AKAP12: variants seen among roughly 807,000 people sequenced by gnomAD.
AKAP12 encodes A-kinase anchoring protein 12, also known as A-kinase anchor protein 12.
Under a neutral mutation model 79.9 loss-of-function variants are expected in AKAP12, and 32 were observed. The ratio of observed to expected loss-of-function variants is 0.40; its 90% CI spans 0.30 to 0.54. The LOEUF (loss-of-function observed/expected upper bound fraction) is 0.54. Ranked by LOEUF, AKAP12 falls within the 20% of genes least tolerant of loss-of-function variation. AKAP12 has a pLI of 0.48. For synonymous variants in AKAP12, 808 were observed against 857.0 expected (o/e 0.94, Z 1.00); for missense variants, 2,074 against 2,177.0 (o/e 0.95, Z 0.94).
intron 2 of AKAP12, among the ~76,000 whole-genome samples, chr6:151,254,553 G>C (rs1192785930): frequency 6.6e-6 from 1 of 152,092 alleles, no homozygotes; most frequent in Non-Finnish European, 1.5e-5. Context: ...GTTTCGCCAA[G>C]TTGGTCAGAC....
intron 2 of AKAP12, among the ~76,000 whole-genome samples, chr6:151,292,396 T>C (rs1776640634): frequency 6.6e-6 from 1 of 152,202 alleles, no homozygotes. Context: ...TCAAAGGCAG[T>C]ATAGCTACAA....
At chr6:151,319,497 ACTAT>A (rs759242881) in intron 3 of AKAP12, 7 of 142,114 alleles carry the variant, frequency 4.9e-5, no homozygotes, top group Non-Finnish European at 1.1e-4. Context: ...ACTATCTATA[ACTAT>A]CTAGATATAG....
intron 3 of AKAP12, among the ~76,000 whole-genome samples, chr6:151,339,463 GGA>G (rs1246046409): frequency 6.6e-6 from 1 of 152,176 alleles, no homozygotes; most frequent in Non-Finnish European, 1.5e-5. Context: ...AAAATTGAGT[GGA>G]GAGTTCGGAG....
chr6:151,272,478 C>G (rs1234546495), intron 2 of AKAP12, among the ~76,000 whole-genome samples: 3 of 149,800 alleles, frequency 2.0e-5, no homozygotes, highest in Non-Finnish European at 4.4e-5. Flanking sequence ...CTTTGCCTTC[C>G]TGTTTTTCAT....
At chr6:151,280,664 G>C (rs976004787) in intron 2 of AKAP12, 4 of 53,422 alleles carry the variant, frequency 7.5e-5, no homozygotes, top group African/African-American at 3.1e-4. Context: ...TTTTTTTTTT[G>C]AGAAAGGACC....
At chr6:151,339,066 G>T (rs1337498277) in intron 3 of AKAP12, among the ~76,000 whole-genome samples, 1 of 152,176 alleles carries the variant, frequency 6.6e-6, no homozygotes, top group Non-Finnish European at 1.5e-5. Flanking sequence ...TCAAAACGAT[G>T]CATGACTGTA....
intron 3 of AKAP12, among the ~76,000 whole-genome samples, chr6:151,309,319 A>G (rs1777041532): frequency 6.6e-6 from 1 of 152,180 alleles, no homozygotes; most frequent in South Asian, 2.1e-4. Flanking sequence ...GTCCACTTAA[A>G]TAAGAAGAGA....
At chr6:151,340,991 A>T (rs1435906316) in intron 3 of AKAP12, among the ~76,000 whole-genome samples, 2 of 152,146 alleles carry the variant, frequency 1.3e-5, no homozygotes, top group African/African-American at 4.8e-5. Context: ...TCACTTGGTT[A>T]AAGTGGTGCC....
At chr6:151,262,298 G>A (rs990303564) in intron 2 of AKAP12, among the ~76,000 whole-genome samples, 3 of 152,162 alleles carry the variant, frequency 2.0e-5, no homozygotes, top group African/African-American at 2.4e-5. Flanking sequence ...TCTGCTACAC[G>A]TTCTTCTTCT....
At chr6:151,245,253 T>C (rs1797047487) in intron 2 of AKAP12, among the ~76,000 whole-genome samples, 1 of 151,958 alleles carries the variant, frequency 6.6e-6, no homozygotes, top group Non-Finnish European at 1.5e-5. Context: ...TCATGCGAAG[T>C]TAGAAATTAG....
At chr6:151,280,062 T>C (rs950544507) in intron 2 of AKAP12, among the ~76,000 whole-genome samples, 1 of 151,080 alleles carries the variant, frequency 6.6e-6, no homozygotes, top group Non-Finnish European at 1.5e-5. Flanking sequence ...AATATGCATA[T>C]AGATAATACT....
At chr6:151,308,738 T>C (rs1777028544) in intron 3 of AKAP12, among the ~76,000 whole-genome samples, 1 of 152,238 alleles carries the variant, frequency 6.6e-6, no homozygotes, top group Admixed American at 6.5e-5. Flanking sequence ...TTCTGTTTTT[T>C]TCTTTCTCTA....
intron 2 of AKAP12, among the ~76,000 whole-genome samples, chr6:151,261,135 CCCAG>C (rs1248810152): frequency 6.6e-6 from 1 of 152,106 alleles, no homozygotes; most frequent in Non-Finnish European, 1.5e-5. Context: ...TGCTTGTAAT[CCCAG>C]CACTCTGGGA....
chr6:151,324,923 C>T (rs1194407857), intron 3 of AKAP12: 1 of 985,294 alleles, frequency 1.0e-6, no homozygotes, highest in East Asian at 1.1e-4. Flanking sequence ...GAGTTGTGTG[C>T]TTGCATGTTA....
chr6:151,240,499 CT>C lies in AKAP12; in HGVS notation c.-63del, dbSNP rs1264166964. The C allele has an allele frequency of 2.2e-6, 3 of 1,361,562 alleles. No individual in the cohort carries two copies. The highest frequency in any genetic ancestry group is 3.1e-5 in the African/African-American group (2 of 65,082). 84.3% of individuals were successfully genotyped at this position (1,361,562 alleles called of 1,614,324 possible). On this transcript the variant is annotated 5_prime_UTR_variant, in exon 2 of 5. Coordinates refer to ENST00000402676, the MANE Select transcript of AKAP12 (RefSeq NM_005100.4). The stretch of plus-strand genomic sequence containing the variant: ...GGCGCGCGTCTTTTGGCTCTTGCCC[CT>C]GTCCCTGCGGCTTGGGGAAGGCGTA...
At chr6:151,275,752 G>A (rs142765130) in intron 2 of AKAP12, among the ~76,000 whole-genome samples, 30 of 152,320 alleles carry the variant, frequency 2.0e-4, no homozygotes, top group East Asian at 5.8e-4. Flanking sequence ...GACCACCTGC[G>A]TATCATTTTC....
At chr6:151,287,165 T>A (rs1375708488) in intron 2 of AKAP12, among the ~76,000 whole-genome samples, 5 of 152,156 alleles carry the variant, frequency 3.3e-5, no homozygotes, top group African/African-American at 1.2e-4. Flanking sequence ...GGTCTCGATC[T>A]CCTGACCTTG....
intron 3 of AKAP12, among the ~76,000 whole-genome samples, chr6:151,336,118 A>G (rs1001523896): frequency 6.6e-5 from 10 of 152,332 alleles, no homozygotes; most frequent in Admixed American, 5.2e-4. Context: ...TCATGGCTGC[A>G]TAGTATTCCA....
At chr6:151,310,661 C>G (rs959549220) in intron 3 of AKAP12, among the ~76,000 whole-genome samples, 6 of 151,946 alleles carry the variant, frequency 3.9e-5, no homozygotes, top group African/African-American at 1.4e-4. Flanking sequence ...TTTCCCCGAA[C>G]AGTTGAGGAA....
Sources: gnomAD v4.1 joint callset for allele counts (sites outside exome capture counted in the v4.1 genomes callset) on GRCh38, gnomAD v4.1.1 for gene constraint, MANE v1.5 for transcripts, NCBI Gene and HGNC (gene_info 2026-07-23, HGNC 2026-07-21) for gene names.